The following XKR4 variants were observed in gnomAD, a reference collection of about 807,000 sequenced individuals.
XKR4 encodes XK-related protein 4.
Under a neutral mutation model 53.9 loss-of-function variants are expected in XKR4, and 12 were observed. The observed-to-expected ratio is 0.22, with a 90% CI of 0.14 to 0.36. The LOEUF (loss-of-function observed/expected upper bound fraction) is 0.36, where lower values mean the gene tolerates loss of function less well. Among genes scored for constraint, XKR4 ranks in the 10% least tolerant of loss-of-function variants. The pLI is 1.00. For missense variants in XKR4, 799 were observed against 859.5 expected (o/e 0.93, Z 0.88); for synonymous variants, 354 against 362.4 (o/e 0.98, Z 0.26).
intron 1 of XKR4, among the ~76,000 whole-genome samples, chr8:55,144,109 G>A (rs555242683): frequency 6.6e-6 from 1 of 152,186 alleles, no homozygotes; most frequent in African/African-American, 2.4e-5. Context: ...ATCTATCTCA[G>A]CCTATTTCTG....
chr8:55,347,985 C>G (rs987358837), intron 1 of XKR4, among the ~76,000 whole-genome samples: 1 of 152,042 alleles, frequency 6.6e-6, no homozygotes, highest in Non-Finnish European at 1.5e-5. Flanking sequence ...AAAAGGAAAA[C>G]CTTAGTGAGC....
chr8:55,298,497 T>C (rs578237203), intron 1 of XKR4, among the ~76,000 whole-genome samples: 31 of 152,130 alleles, frequency 2.0e-4, no homozygotes, highest in African/African-American at 7.5e-4. Context: ...GGAGGCGGCA[T>C]ATCACATGGA....
chr8:55,294,782 G>A (rs975484349), intron 1 of XKR4, among the ~76,000 whole-genome samples: 2 of 152,130 alleles, frequency 1.3e-5, no homozygotes, highest in Non-Finnish European at 2.9e-5. Flanking sequence ...TTACTTAATA[G>A]GTGAGTGTTT....
intron 2 of XKR4, among the ~76,000 whole-genome samples, chr8:55,510,074 G>A (rs898961114): frequency 6.6e-6 from 1 of 152,140 alleles, no homozygotes; most frequent in African/African-American, 2.4e-5. Context: ...CACCCAGCAG[G>A]CAGAATGGCC....
chr8:55,475,936 A>G (rs1347051807), intron 2 of XKR4, among the ~76,000 whole-genome samples: 1 of 151,852 alleles, frequency 6.6e-6, no homozygotes, highest in Non-Finnish European at 1.5e-5. Flanking sequence ...CTGTAGACAC[A>G]GGGTTTTGCC....
At chr8:55,365,240 G>A (rs1299619875) in intron 2 of XKR4, among the ~76,000 whole-genome samples, 1 of 152,228 alleles carries the variant, frequency 6.6e-6, no homozygotes, top group Non-Finnish European at 1.5e-5. Flanking sequence ...GCTGCCGCTG[G>A]CCCTTCACGC....
chr8:55,229,868 C>CTT (rs5891563), intron 1 of XKR4, among the ~76,000 whole-genome samples: 1 of 140,314 alleles, frequency 7.1e-6, no homozygotes, highest in African/African-American at 2.6e-5. Flanking sequence ...AGTTAATTAG[C>CTT]TTTTTTTTTT....
intron 1 of XKR4, among the ~76,000 whole-genome samples, chr8:55,136,516 G>A (rs1476610266): frequency 6.6e-6 from 1 of 152,188 alleles, no homozygotes; most frequent in Non-Finnish European, 1.5e-5. Flanking sequence ...ATAGTGTATT[G>A]AATATAATAT....
chr8:55,411,827 C>G (rs1006200261), intron 2 of XKR4, among the ~76,000 whole-genome samples: 2 of 152,194 alleles, frequency 1.3e-5, no homozygotes, highest in African/African-American at 4.8e-5. Flanking sequence ...AGGCCCAGCA[C>G]TGCCTGACAG....
chr8:55,216,861 G>T (rs1029626974), intron 1 of XKR4, among the ~76,000 whole-genome samples: 1 of 150,842 alleles, frequency 6.6e-6, no homozygotes, highest in African/African-American at 2.4e-5. Context: ...TAAGATATTT[G>T]CCATATATAT....
At position 55,537,199 on chromosome 8, in the gene XKR4, T is replaced by A. The variant is rs554549233; in HGVS notation, c.*12972T>A. On this transcript the variant is annotated 3_prime_UTR_variant, in exon 3 of 3. Transcript: ENST00000327381. Reference sequence around the variant, plus strand: ...TTACCACAAACATGGGAATATTTAGTGATATCTTTGTAGTCATCGTTAAAA... The same window carrying A: ...TTACCACAAACATGGGAATATTTAGAGATATCTTTGTAGTCATCGTTAAAA... The A allele has an allele frequency of 6.6e-6, 1 of 152,338 alleles. No individual in the cohort carries two copies. Among genetic ancestry groups the A allele is most frequent in the East Asian group, 1.9e-4 (1 of 5,184 alleles). 9.4% of individuals were successfully genotyped at this position (152,338 alleles called of 1,614,324 possible). A position where few individuals can be genotyped will look rare whatever the true frequency, so the allele number is the denominator to read the frequency against.
intron 1 of XKR4, among the ~76,000 whole-genome samples, chr8:55,186,366 C>A (rs1488648444): frequency 6.6e-6 from 1 of 152,098 alleles, no homozygotes; most frequent in East Asian, 1.9e-4. Context: ...TTTAAAAATT[C>A]AAATAGAGGC....
intron 1 of XKR4, among the ~76,000 whole-genome samples, chr8:55,281,390 C>T (rs893010708): frequency 6.6e-6 from 1 of 152,100 alleles, no homozygotes; most frequent in African/African-American, 2.4e-5. Flanking sequence ...TGATCAGCAC[C>T]ACACACCTCA....
chr8:55,281,172 G>C (rs1483638813), intron 1 of XKR4, among the ~76,000 whole-genome samples: 4 of 152,122 alleles, frequency 2.6e-5, no homozygotes, highest in Non-Finnish European at 5.9e-5. Context: ...TGCAGGAGCT[G>C]GGCATTGACT....
At chr8:55,456,457 G>A (rs1168370879) in intron 2 of XKR4, among the ~76,000 whole-genome samples, 5 of 151,070 alleles carry the variant, frequency 3.3e-5, no homozygotes, top group Admixed American at 1.3e-4. Flanking sequence ...AAGAAAGAAA[G>A]AAAAAGAAAA....
chr8:55,419,423 A>C (rs1795388345), intron 2 of XKR4, among the ~76,000 whole-genome samples: 1 of 152,204 alleles, frequency 6.6e-6, no homozygotes, highest in Non-Finnish European at 1.5e-5. Flanking sequence ...TTGGTATTCC[A>C]ATGTATTGGG....
At chr8:55,279,691 C>A (rs1214679408) in intron 1 of XKR4, among the ~76,000 whole-genome samples, 5 of 152,150 alleles carry the variant, frequency 3.3e-5, no homozygotes, top group Non-Finnish European at 4.4e-5. Context: ...CAGTATGGTG[C>A]TCTGGGGACA....
chr8:55,283,555 C>A (rs1388236480), intron 1 of XKR4, among the ~76,000 whole-genome samples: 3 of 152,194 alleles, frequency 2.0e-5, no homozygotes, highest in Non-Finnish European at 1.5e-5. Flanking sequence ...AATTATGCAG[C>A]AAATGAGCAC....
intron 2 of XKR4, among the ~76,000 whole-genome samples, chr8:55,519,382 T>G (rs1182729950): frequency 1.3e-5 from 2 of 152,168 alleles, no homozygotes; most frequent in East Asian, 3.8e-4. Context: ...AGTATGATGA[T>G]CCTGAAAAAA....
Sources: gnomAD v4.1 joint callset for allele counts (sites outside exome capture counted in the v4.1 genomes callset) on GRCh38, gnomAD v4.1.1 for gene constraint, MANE v1.5 for transcripts, NCBI Gene and HGNC (gene_info 2026-07-23, HGNC 2026-07-21) for gene names.